The following FRMD4B variants were observed in gnomAD, a reference collection of about 807,000 sequenced individuals.
FRMD4B encodes the protein FERM domain-containing protein 4B.
In FRMD4B, 74 loss-of-function variants were observed where a neutral mutation model predicts 141.5. That is an observed-to-expected ratio of 0.52 (90% CI 0.43 to 0.63). The LOEUF (loss-of-function observed/expected upper bound fraction) is 0.63. Among genes scored for constraint, FRMD4B ranks in the 30% least tolerant of loss-of-function variants. FRMD4B has a pLI of 0.00. For synonymous variants in FRMD4B, 506 were observed against 467.9 expected (o/e 1.08, Z -1.05); for missense variants, 1,366 against 1,253.4 (o/e 1.09, Z -1.36).
chr3:69,308,996 A>G (rs1055526428), intron 3 of FRMD4B, among the ~76,000 whole-genome samples: 1 of 152,130 alleles, frequency 6.6e-6, no homozygotes, highest in African/African-American at 2.4e-5. Context: ...CTGTTTGTTT[A>G]CTTGTTATGC....
chr3:69,508,899 C>G (rs1041713347), intron 1 of FRMD4B, among the ~76,000 whole-genome samples: 3 of 152,166 alleles, frequency 2.0e-5, no homozygotes, highest in Non-Finnish European at 2.9e-5. Context: ...GAATCTAGAG[C>G]ACAGGACAAT....
At chr3:69,269,401 G>A (rs762429266) in intron 5 of FRMD4B, among the ~76,000 whole-genome samples, 13 of 151,416 alleles carry the variant, frequency 8.6e-5, no homozygotes, top group Non-Finnish European at 1.6e-4. Flanking sequence ...CTTCATAGGT[G>A]GGGAGACTGA....
At chr3:69,417,726 T>C (rs936779014) in intron 2 of FRMD4B, among the ~76,000 whole-genome samples, 1 of 152,238 alleles carries the variant, frequency 6.6e-6, no homozygotes, top group Non-Finnish European at 1.5e-5. Context: ...CAAATTACCA[T>C]AGCTGATGGC....
chr3:69,218,473 C>A lies in FRMD4B; in HGVS notation c.732-94G>T. ...TAAAGAAACACCACGTTTCTACTTT[C>A]CTTATTATAAGAATAATTAATATGT... On this transcript the variant is annotated intron_variant, in intron 9 of 22. Transcript: ENST00000398540. The A allele has an allele frequency of 4.9e-6, 3 of 610,044 alleles. 1 individual carries two copies. The South Asian group carries it at 6.2e-5, about 13-fold the overall frequency. 37.8% of individuals were successfully genotyped at this position (610,044 alleles called of 1,614,324 possible).
chr3:69,255,455 G>A (rs993499228), intron 5 of FRMD4B, among the ~76,000 whole-genome samples: 1 of 152,048 alleles, frequency 6.6e-6, no homozygotes, highest in African/African-American at 2.4e-5. Context: ...GGAGTGGGGA[G>A]GATCGCTTGA....
At chr3:69,277,184 A>G (rs535658316) in intron 5 of FRMD4B, among the ~76,000 whole-genome samples, 1 of 152,302 alleles carries the variant, frequency 6.6e-6, no homozygotes, top group South Asian at 2.1e-4. Flanking sequence ...AAGTACAAAG[A>G]CATGAGTACT....
intron 7 of FRMD4B, among the ~76,000 whole-genome samples, chr3:69,225,519 C>CA (rs35855787): frequency 0.65 from 32,620 of 50,452 alleles, 12,142 homozygotes; most frequent in South Asian, 0.77. Context: ...ACTAAAAATA[C>CA]AAAAAAAAAA....
intron 19 of FRMD4B, among the ~76,000 whole-genome samples, chr3:69,183,471 T>C (rs1393360388): frequency 6.8e-6 from 1 of 147,906 alleles, no homozygotes; most frequent in Non-Finnish European, 1.5e-5. Flanking sequence ...CAATTAGAAG[T>C]TAATTTTTTT....
intron 1 of FRMD4B, among the ~76,000 whole-genome samples, chr3:69,490,640 C>T (rs1706287774): frequency 6.6e-6 from 1 of 152,190 alleles, no homozygotes; most frequent in African/African-American, 2.4e-5. Context: ...TGTGTCATGG[C>T]AAGTACCTAA....
intron 1 of FRMD4B, among the ~76,000 whole-genome samples, chr3:69,524,510 G>A (rs936092691): frequency 6.6e-6 from 1 of 152,176 alleles, no homozygotes; most frequent in Non-Finnish European, 1.5e-5. Context: ...AAGGGAGAGT[G>A]GTTTAGATTA....
At chr3:69,248,856 A>G (rs2093442812) in intron 7 of FRMD4B, among the ~76,000 whole-genome samples, 1 of 152,258 alleles carries the variant, frequency 6.6e-6, no homozygotes. Context: ...TGATGGATTT[A>G]ATCTTTTTGT....
intron 2 of FRMD4B, among the ~76,000 whole-genome samples, chr3:69,414,935 G>A (rs1161618006): frequency 3.5e-5 from 5 of 141,794 alleles, no homozygotes; most frequent in African/African-American, 1.1e-4. Context: ...GCGAGATCTC[G>A]GCTCACTGCA....
intron 1 of FRMD4B, among the ~76,000 whole-genome samples, chr3:69,447,243 G>A (rs1034350665): frequency 6.6e-6 from 1 of 152,110 alleles, no homozygotes; most frequent in Middle Eastern, 3.4e-3. Flanking sequence ...TGTTTCTTAG[G>A]GAAAATCTGT....
chr3:69,521,225 G>A (rs1306525983), intron 1 of FRMD4B, among the ~76,000 whole-genome samples: 2 of 152,168 alleles, frequency 1.3e-5, no homozygotes, highest in Non-Finnish European at 2.9e-5. Context: ...CAGGCCCTAC[G>A]ACTGAGGAAG....
chr3:69,185,329 AG>A (rs1408205119), intron 19 of FRMD4B, among the ~76,000 whole-genome samples: 9 of 151,140 alleles, frequency 6.0e-5, no homozygotes, highest in Admixed American at 2.6e-4. Flanking sequence ...AAAGAAAAAA[AG>A]AAGAAACATA....
At chr3:69,323,046 A>T (rs1346407351) in intron 1 of FRMD4B, 1 of 962,086 alleles carries the variant, frequency 1.0e-6, no homozygotes, top group Non-Finnish European at 1.2e-6. Context: ...GTGGAGAAGG[A>T]AAAAGACAAT....
At chr3:69,381,475 T>A (rs950028997) in intron 1 of FRMD4B, among the ~76,000 whole-genome samples, 1 of 152,198 alleles carries the variant, frequency 6.6e-6, no homozygotes, top group Non-Finnish European at 1.5e-5. Context: ...TTGGCTTTCC[T>A]TACAAACAAG....
chr3:69,471,042 G>T (rs778121757), intron 1 of FRMD4B, among the ~76,000 whole-genome samples: 23 of 152,132 alleles, frequency 1.5e-4, no homozygotes, highest in Non-Finnish European at 1.2e-4. Context: ...AACACAAACT[G>T]TAAATGTTAA....
At chr3:69,391,427 T>C (rs920945541) in intron 2 of FRMD4B, among the ~76,000 whole-genome samples, 6 of 114,272 alleles carry the variant, frequency 5.3e-5, no homozygotes, top group Non-Finnish European at 8.3e-5. Context: ...GGCCCCGGAG[T>C]GTGATGTTCC....
Sources: allele counts gnomAD v4.1 joint callset (sites outside exome capture counted in the v4.1 genomes callset), GRCh38; gene constraint gnomAD v4.1.1; transcripts MANE v1.5; gene names NCBI Gene and HGNC (gene_info 2026-07-23, HGNC 2026-07-21).